The following FCHO1 variants were observed in gnomAD, a reference collection of about 807,000 sequenced individuals.
The protein encoded by FCHO1 is FCH and mu domain containing endocytic adaptor 1, also known as F-BAR domain only protein 1.
In FCHO1, 45 loss-of-function variants were observed where a neutral mutation model predicts 114.4. The observed-to-expected ratio is 0.39, with a 90% confidence interval of 0.31 to 0.50. The LOEUF (loss-of-function observed/expected upper bound fraction) is 0.50. Ranked by LOEUF, FCHO1 falls within the 20% of genes least tolerant of loss-of-function variation. The pLI, the probability that FCHO1 is intolerant of heterozygous loss-of-function variation, is 0.77. For synonymous variants in FCHO1, 480 were observed against 488.9 expected (o/e 0.98, Z 0.24); for missense variants, 1,042 against 1,209.6 (o/e 0.86, Z 2.06).
At position 17,783,183 on chromosome 19, in the gene FCHO1, G is replaced by A. The variant is rs1442979881; in HGVS notation, c.2093+11G>A. ...CGATCTGCTGTTCAGGTACTATGGA[G>A]GGGCAGTGGGAGAGGGCCTCGGAGG... On this transcript the variant is annotated intron_variant, in intron 24 of 28. Transcript: ENST00000596536. The A allele has an allele frequency of 6.2e-7, 1 of 1,610,492 alleles. No homozygotes were observed. Among genetic ancestry groups the A allele is most frequent in the Non-Finnish European group, 8.5e-7 (1 of 1,177,166 alleles).
chr19:17,774,413 A>G lies in FCHO1; in HGVS notation c.855A>G (p.Gly285=), dbSNP rs1466681946. The change falls in exon 13 of 29, where the codon GGA becomes GGG. Residue 285 remains glycine (G), a synonymous_variant. Coordinates refer to ENST00000596536, the MANE Select transcript of FCHO1 (RefSeq NM_015122.3). ...ALQEAMKRLR[G]AKAFRLPGLS... is the part of the protein sequence containing the mutation. The stretch of plus-strand genomic sequence containing the variant: ...CCTCAGCGATGAAACGTTTGCGGGG[A>G]GCCAAGGCCTTTCGCCTTCCAGGAC... 3.1e-6 allele frequency: 5 copies of G among 1,613,924 alleles called. No individual in the cohort carries two copies. The highest frequency in any genetic ancestry group is 4.2e-6 in the Non-Finnish European group (5 of 1,180,006).
chr19:17,788,472 C>G lies in FCHO1; in HGVS notation c.*166C>G. On this transcript the variant is annotated 3_prime_UTR_variant, in exon 29 of 29. Transcript: ENST00000596536. ...CTGGCTGAGCCCGAGATTCGCTCCT[C>G]CCCCTCATGCCAACCCCACACAGGT... The G allele has an allele frequency of 1.7e-6, 1 of 591,040 alleles. No homozygotes were observed. Among genetic ancestry groups the G allele is most frequent in the Non-Finnish European group, 3.1e-6 (1 of 327,408 alleles). 36.6% of individuals were successfully genotyped at this position (591,040 alleles called of 1,614,324 possible).
At position 17,772,821 on chromosome 19, in the gene FCHO1, T is replaced by A. The variant is rs1175043517; in HGVS notation, c.790+80T>A. The A allele has an allele frequency of 3.2e-4, 317 of 1,005,120 alleles. 2 individuals are homozygous for A. The highest frequency in any genetic ancestry group is 1.2e-4 in the African/African-American group (7 of 60,380). 62.3% of individuals were successfully genotyped at this position (1,005,120 alleles called of 1,614,324 possible). ...CATGTGCCACCATGCCCAGCTAATT[T>A]TTTTTTTATTTTTTTATTTTTAATA... On this transcript the variant is annotated intron_variant, in intron 11 of 28. Transcript: ENST00000596536.
At chr19:17,762,901 T>A (rs959095381) in intron 5 of FCHO1, 48 bp downstream of exon 5, 19 of 1,298,652 alleles carry the variant, frequency 1.5e-5, no homozygotes, top group Non-Finnish European at 2.0e-5. Flanking sequence ...CACCATCCTG[T>A]AGTCACGCCC....
intron 20 of FCHO1, among the ~76,000 whole-genome samples, chr19:17,779,913 G>A (rs1182668265): frequency 1.3e-5 from 2 of 151,982 alleles, no homozygotes; most frequent in Non-Finnish European, 2.9e-5. Flanking sequence ...GGACAGCCGG[G>A]GAGCCCAGAG....
intron 23 of FCHO1, among the ~76,000 whole-genome samples, chr19:17,782,735 G>A (rs1282863619): frequency 6.6e-6 from 1 of 152,178 alleles, no homozygotes; most frequent in African/African-American, 2.4e-5. Flanking sequence ...GCAAAGGATA[G>A]CTAAAAAACT....
At chr19:17,756,084 A>G (rs909643856) in intron 4 of FCHO1, among the ~76,000 whole-genome samples, 6 of 152,218 alleles carry the variant, frequency 3.9e-5, no homozygotes, top group African/African-American at 1.2e-4. Context: ...CTGAGCTTGC[A>G]GTGAGGAAGC....
At chr19:17,770,378 G>C (rs2091138456) in intron 7 of FCHO1, 47 bp from the exon 8 acceptor site, 6 of 1,561,942 alleles carry the variant, frequency 3.8e-6, no homozygotes, top group Non-Finnish European at 5.2e-6. Context: ...TGTTTGGGAG[G>C]TCAGGAATTT....
chr19:17,768,713 A>G (rs1393201221), intron 7 of FCHO1, among the ~76,000 whole-genome samples: 1 of 124,498 alleles, frequency 8.0e-6, no homozygotes, highest in East Asian at 4.0e-4. Flanking sequence ...ACAAGGCAAA[A>G]AAAAAAAAAA....
rs950274879 is a variant in FCHO1, at chr19:17,774,407, G to T, written c.849G>T (p.Leu283Phe). Residue 283 changes from leucine to phenylalanine, a missense_variant, in exon 13 of 29, where the codon TTG becomes TTT. Leu to Phe is a conservative substitution (Grantham distance 22). Transcript: ENST00000596536. ...AAALQEAMKR[L>F]RGAKAFRLPG... Reference sequence around the variant, plus strand: ...ATCTATCCTCAGCGATGAAACGTTTGCGGGGAGCCAAGGCCTTTCGCCTTC... The same window carrying T: ...ATCTATCCTCAGCGATGAAACGTTTTCGGGGAGCCAAGGCCTTTCGCCTTC... 6.2e-6 allele frequency: 10 copies of T among 1,613,902 alleles called. No homozygotes were observed. The highest frequency in any genetic ancestry group is 2.5e-6 in the Non-Finnish European group (3 of 1,180,022).
At chr19:17,766,505 CTG>C in intron 6 of FCHO1, 162 bp from the exon 7 acceptor site, 1 of 858,500 alleles carries the variant, frequency 1.2e-6, no homozygotes, top group South Asian at 1.8e-5. Flanking sequence ...GTTTCCCCAT[CTG>C]TCACAGGCCC....
At chr19:17,754,869 C>A in intron 3 of FCHO1, 188 bp downstream of exon 3, 1 of 446,256 alleles carries the variant, frequency 2.2e-6, no homozygotes, top group South Asian at 2.1e-5. Context: ...CAGCTCTTGT[C>A]CCTCCACCTA....
chr19:17,788,261 C>CCCCCCCCA, intron 28 of FCHO1, 23 bp from the exon 29 acceptor site: 2 of 1,518,110 alleles, frequency 1.3e-6, no homozygotes, highest in South Asian at 1.1e-5. Flanking sequence ...CCACCCCTCC[C>CCCCCCCCA]CCTCACAGCT....
chr19:17,774,036 C>A (rs4808689), intron 11 of FCHO1, among the ~76,000 whole-genome samples: 1 of 151,842 alleles, frequency 6.6e-6, no homozygotes, highest in Non-Finnish European at 1.5e-5. Context: ...TCAGCCTCCC[C>A]AGTAGCTGGG....
intron 19 of FCHO1, 92 bp from the exon 20 acceptor site, chr19:17,778,517 C>T: frequency 7.1e-7 from 1 of 1,415,864 alleles, no homozygotes; most frequent in Non-Finnish European, 9.3e-7. Flanking sequence ...GCCCCCCTGA[C>T]CTTCCCTCGA....
chr19:17,752,752 A>AC (rs1433649228), intron 1 of FCHO1, among the ~76,000 whole-genome samples: 2 of 151,308 alleles, frequency 1.3e-5, no homozygotes, highest in Admixed American at 1.3e-4. Flanking sequence ...AAAAAAAAAA[A>AC]ATTTATTTTT....
intron 18 of FCHO1, 120 bp from the exon 19 acceptor site, chr19:17,778,017 C>G: frequency 3.0e-6 from 2 of 674,096 alleles, no homozygotes; most frequent in East Asian, 2.7e-5. Context: ...GCAGCCTGGC[C>G]GACAGAGCAA....
upstream of FCHO1, among the ~76,000 whole-genome samples, chr19:17,748,060 T>C (rs1381723977): frequency 6.6e-6 from 1 of 152,098 alleles, no homozygotes; most frequent in Admixed American, 6.5e-5. Flanking sequence ...GAACCGAGCG[T>C]GCACGGGGGC....
chr19:17,784,609 C>A lies in FCHO1; in HGVS notation c.2227-116C>A. 2.0e-6 allele frequency: 2 copies of A among 976,916 alleles called. No individual in the cohort carries two copies. Among genetic ancestry groups the A allele is most frequent in the Non-Finnish European group, 3.2e-6 (2 of 616,118 alleles). 60.5% of individuals were successfully genotyped at this position (976,916 alleles called of 1,614,324 possible). A position where few individuals can be genotyped will look rare whatever the true frequency, so the allele number is the denominator to read the frequency against. On this transcript the variant is annotated intron_variant, in intron 25 of 28. Coordinates refer to ENST00000596536, the MANE Select transcript of FCHO1 (RefSeq NM_015122.3). This position sits in a 1 kb window ranked among gnomAD's most constrained non-coding sequence, Gnocchi z 5.3. Reference sequence around the variant, plus strand: ...TCTCATCCATCAAATCTCCCTGTGACTGGACCCCCTTGGGGCGGTGCGTGC... The same window carrying A: ...TCTCATCCATCAAATCTCCCTGTGAATGGACCCCCTTGGGGCGGTGCGTGC...
Sources: gnomAD v4.1 joint callset for allele counts (sites outside exome capture counted in the v4.1 genomes callset) on GRCh38, gnomAD v4.1.1 for gene constraint, Gnocchi (gnomAD v3.1) non-coding constraint, MANE v1.5 for transcripts, NCBI Gene and HGNC (gene_info 2026-07-23, HGNC 2026-07-21) for gene names.